The following PROS1 variants were observed in gnomAD, a reference collection of about 807,000 sequenced individuals.
PROS1 encodes the protein protein S.
PROS1 carries 29 observed loss-of-function variants against 75.9 expected under a neutral mutation model. That is an observed-to-expected ratio of 0.38 (90% CI 0.28 to 0.52). PROS1 has a LOEUF of 0.52. Among genes scored for constraint, PROS1 ranks in the 20% least tolerant of loss-of-function variants. PROS1 has a pLI of 0.83. For synonymous variants in PROS1, 245 were observed against 280.6 expected (o/e 0.87, Z 1.27); for missense variants, 680 against 810.3 (o/e 0.84, Z 1.95).
At chr3:93,965,295 G>A (rs1050351778) in intron 1 of PROS1, among the ~76,000 whole-genome samples, 5 of 152,190 alleles carry the variant, frequency 3.3e-5, no homozygotes, top group South Asian at 2.1e-4. Context: ...GTTTGCCGCC[G>A]TCGCAGACCC....
chr3:93,928,748 A>T (rs1382643450), intron 1 of PROS1: 1 of 1,296,948 alleles, frequency 7.7e-7, no homozygotes, highest in East Asian at 5.6e-5. Flanking sequence ...CGACCAATAC[A>T]GAAATGCATG....
chr3:93,928,433 C>G (rs900065898), intron 1 of PROS1, among the ~76,000 whole-genome samples: 1 of 150,200 alleles, frequency 6.7e-6, no homozygotes, highest in Non-Finnish European at 1.5e-5. Context: ...ATTTGGGAAA[C>G]TGAGACACGA....
chr3:93,886,576 C>G (rs1464871840), intron 10 of PROS1, 73 bp from the exon 11 acceptor site: 2 of 1,148,760 alleles, frequency 1.7e-6, no homozygotes, highest in Non-Finnish European at 2.6e-6. Context: ...GGATCTAAAA[C>G]TTATGTTATT....
At chr3:93,957,674 A>G (rs545884341) in intron 1 of PROS1, among the ~76,000 whole-genome samples, 1 of 152,276 alleles carries the variant, frequency 6.6e-6, no homozygotes, top group East Asian at 1.9e-4. Context: ...TACCCTATAA[A>G]CATGGTTGTC....
chr3:93,964,092 A>C (rs1339634686), intron 1 of PROS1, among the ~76,000 whole-genome samples: 4 of 152,186 alleles, frequency 2.6e-5, no homozygotes, highest in African/African-American at 7.2e-5. Flanking sequence ...TAAGCTGAGG[A>C]TGTACATCAC....
intron 14 of PROS1, among the ~76,000 whole-genome samples, chr3:93,876,208 C>T (rs116724353): frequency 6.6e-5 from 10 of 152,290 alleles, no homozygotes; most frequent in Non-Finnish European, 1.3e-4. Flanking sequence ...ACTTACCTCA[C>T]TGGACTATTT....
At chr3:93,918,144 A>G (rs1179313409) in intron 3 of PROS1, among the ~76,000 whole-genome samples, 2 of 152,072 alleles carry the variant, frequency 1.3e-5, no homozygotes, top group East Asian at 3.9e-4. Flanking sequence ...TTGTAAACAC[A>G]CCAATCAGCA....
chr3:93,970,583 T>C (rs1380307867), intron 1 of PROS1, among the ~76,000 whole-genome samples: 1 of 152,080 alleles, frequency 6.6e-6, no homozygotes, highest in Non-Finnish European at 1.5e-5. Flanking sequence ...CTTCACGCGA[T>C]CCTTCCTCCT....
intron 6 of PROS1, among the ~76,000 whole-genome samples, chr3:93,902,157 A>T (rs1708606051): frequency 6.6e-6 from 1 of 152,108 alleles, no homozygotes; most frequent in Non-Finnish European, 1.5e-5. Flanking sequence ...AGAGAAAAAA[A>T]TTAGCCAGGA....
intron 2 of PROS1, among the ~76,000 whole-genome samples, chr3:93,924,846 AT>A (rs910632376): frequency 2.6e-5 from 4 of 151,476 alleles, no homozygotes; most frequent in African/African-American, 7.3e-5. Context: ...GTTGTTAATT[AT>A]TTTTTTGTAG....
chr3:93,950,509 A>G (rs1227355632), intron 1 of PROS1, among the ~76,000 whole-genome samples: 2 of 152,176 alleles, frequency 1.3e-5, no homozygotes, highest in African/African-American at 4.8e-5. Flanking sequence ...TGAGGCAGCG[A>G]CATTTGCCGT....
intron 6 of PROS1, among the ~76,000 whole-genome samples, chr3:93,902,761 A>G (rs1384964306): frequency 6.6e-6 from 1 of 151,650 alleles, no homozygotes; most frequent in East Asian, 1.9e-4. Flanking sequence ...AAAAAAAAAA[A>G]GAAGAAGAAG....
chr3:93,948,245 T>C (rs553312012), intron 1 of PROS1, among the ~76,000 whole-genome samples: 1 of 151,070 alleles, frequency 6.6e-6, no homozygotes, highest in South Asian at 2.1e-4. Context: ...GTAGCTAATA[T>C]CCTAAACAAA....
At chr3:93,902,384 T>C (rs549046766) in intron 6 of PROS1, among the ~76,000 whole-genome samples, 6 of 152,302 alleles carry the variant, frequency 3.9e-5, no homozygotes, top group African/African-American at 1.4e-4. Flanking sequence ...AGGGAATTAT[T>C]TAGATCATAC....
intron 13 of PROS1, among the ~76,000 whole-genome samples, chr3:93,878,102 G>A (rs1410921074): frequency 6.6e-6 from 1 of 152,072 alleles, no homozygotes; most frequent in Non-Finnish European, 1.5e-5. Context: ...AAAGAACCAC[G>A]GAGGCAAACA....
chr3:93,960,028 C>T lies in PROS1; in HGVS notation c.76+13646G>A, dbSNP rs186536586. On this transcript the variant is annotated intron_variant, in intron 1 of 14. Coordinates refer to ENST00000394236, the MANE Select transcript of PROS1 (RefSeq NM_000313.4). ...TATATATTACCAAAGGTTAAATAGGCAATAAGTATTTATACTTCTCTTAGA... is the reference window on the plus strand; with the variant it reads ...TATATATTACCAAAGGTTAAATAGGTAATAAGTATTTATACTTCTCTTAGA... 8.1e-4 allele frequency among the ~76,000 whole-genome samples: 124 copies of T among 152,212 alleles called. 2 individuals are homozygous for T. The highest frequency in any genetic ancestry group is 2.9e-3 in the African/African-American group (120 of 41,510).
At chr3:93,948,217 G>A (rs1709436268) in intron 1 of PROS1, among the ~76,000 whole-genome samples, 1 of 151,170 alleles carries the variant, frequency 6.6e-6, no homozygotes, top group Non-Finnish European at 1.5e-5. Flanking sequence ...AGACACAGAA[G>A]AAAACATTTT....
At chr3:93,883,242 G>C (rs745498349) in intron 12 of PROS1, among the ~76,000 whole-genome samples, 5 of 152,176 alleles carry the variant, frequency 3.3e-5, no homozygotes, top group Non-Finnish European at 5.9e-5. Context: ...AGAGACACAA[G>C]TGGGAGAGAC....
intron 1 of PROS1, among the ~76,000 whole-genome samples, chr3:93,969,788 C>CT (rs1322754395): frequency 6.6e-6 from 1 of 151,892 alleles, no homozygotes; most frequent in Non-Finnish European, 1.5e-5. Flanking sequence ...TTCCTTTTTT[C>CT]TTTCCTTTAG....
Sources: gnomAD v4.1 joint callset for allele counts (sites outside exome capture counted in the v4.1 genomes callset) on GRCh38, gnomAD v4.1.1 for gene constraint, MANE v1.5 for transcripts, NCBI Gene and HGNC (gene_info 2026-07-23, HGNC 2026-07-21) for gene names.